The following RIN2 variants were observed in gnomAD, a reference collection of about 807,000 sequenced individuals.
RIN2 encodes RAB5 interacting protein 2.
RIN2 carries 36 observed loss-of-function variants against 78.0 expected under a neutral mutation model. That is an observed-to-expected ratio of 0.46 (90% CI 0.35 to 0.61). RIN2 has a LOEUF of 0.61. Ranked by LOEUF, RIN2 falls within the 20% of genes least tolerant of loss-of-function variation. The probability of loss-of-function intolerance (pLI) is 0.00; values close to 1 mark genes in which losing one functional copy is unlikely to be tolerated. For synonymous variants in RIN2, 466 were observed against 466.8 expected (o/e 1.00, Z 0.02); for missense variants, 1,087 against 1,159.7 (o/e 0.94, Z 0.91).
chr20:19,824,345 T>C (rs1002440975), intron 2 of RIN2, among the ~76,000 whole-genome samples: 1 of 152,252 alleles, frequency 6.6e-6, no homozygotes, highest in Admixed American at 6.5e-5. Flanking sequence ...TCAAAATACA[T>C]GTACCTAGTA....
intron 5 of RIN2, among the ~76,000 whole-genome samples, chr20:19,959,799 A>G (rs930692128): frequency 6.6e-6 from 1 of 152,170 alleles, no homozygotes; most frequent in African/African-American, 2.4e-5. Context: ...GGGCTGCCAC[A>G]CGCCATACTC....
intron 3 of RIN2, among the ~76,000 whole-genome samples, chr20:19,928,694 G>C (rs199965555): frequency 8.5e-5 from 13 of 152,092 alleles, no homozygotes; most frequent in African/African-American, 3.1e-4. Flanking sequence ...GGAGCACTCA[G>C]GTGAACACCT....
At chr20:19,875,355 TG>T (rs1329693268) in intron 2 of RIN2, among the ~76,000 whole-genome samples, 3 of 151,966 alleles carry the variant, frequency 2.0e-5, no homozygotes, top group Non-Finnish European at 4.4e-5. Context: ...TTAGTAGAGA[TG>T]GGGTTTCACC....
chr20:19,903,479 A>C (rs564919731), intron 3 of RIN2, among the ~76,000 whole-genome samples: 66 of 152,246 alleles, frequency 4.3e-4, no homozygotes, highest in African/African-American at 1.5e-3. Context: ...TTCTACTTCC[A>C]GATTCTAGGC....
Position 19,990,174 on chromosome 20 carries a change from C to T in RIN2, c.1931C>T (p.Pro644Leu), listed in dbSNP as rs747893157. The T allele has an allele frequency of 5.0e-6, 8 of 1,605,602 alleles. No homozygotes were observed. The highest frequency in any genetic ancestry group is 6.8e-6 in the Non-Finnish European group (8 of 1,176,244). The change falls in exon 10 of 13, where the codon CCG (proline) becomes CTG (leucine). Residue 644 changes from proline (P) to leucine (L), a missense_variant. This residue lies in a region of RIN2 where 97 missense variants were observed against 104.8 expected (regional missense o/e 0.93). Transcript: ENST00000255006. ...CCGCAGGAGCTGGGGGTCTTCGCCC[C>T]GACCCCTGATTTTGTGGATGTGGAG... ...RNPQELGVFA[P>L]TPDFVDVEKI...
chr20:19,925,343 T>C (rs534528234), intron 3 of RIN2, among the ~76,000 whole-genome samples: 221 of 152,360 alleles, frequency 1.5e-3, no homozygotes, highest in Non-Finnish European at 1.4e-3. Flanking sequence ...CTGTATATAC[T>C]GTATAAGTCT....
intron 3 of RIN2, among the ~76,000 whole-genome samples, chr20:19,896,698 G>A (rs975836463): frequency 3.9e-5 from 6 of 152,168 alleles, no homozygotes; most frequent in Admixed American, 1.3e-4. Flanking sequence ...CCTGTATCTG[G>A]ATGTGTCTTT....
chr20:19,970,491 G>GA (rs535746617), intron 7 of RIN2, among the ~76,000 whole-genome samples: 356 of 152,314 alleles, frequency 2.3e-3, no homozygotes, highest in Non-Finnish European at 4.0e-3. Context: ...GGCATGCAGT[G>GA]AATTAGTACA....
intron 2 of RIN2, among the ~76,000 whole-genome samples, chr20:19,834,663 G>A (rs2036351242): frequency 6.6e-6 from 1 of 152,182 alleles, no homozygotes; most frequent in African/African-American, 2.4e-5. Context: ...AAAATAGAAT[G>A]ATCTTCGGTC....
At chr20:19,810,683 CTTTTTTTT>C (rs535994979) in intron 2 of RIN2, among the ~76,000 whole-genome samples, 3 of 99,628 alleles carry the variant, frequency 3.0e-5, no homozygotes, top group South Asian at 3.1e-4. Flanking sequence ...TTATAAGGTA[CTTTTTTTT>C]TTTTTTTTTT....
intron 4 of RIN2, among the ~76,000 whole-genome samples, chr20:19,942,111 A>C (rs1207219510): frequency 2.7e-5 from 4 of 145,460 alleles, no homozygotes; most frequent in Non-Finnish European, 6.0e-5. Flanking sequence ...CTCTATCTCA[A>C]AAAAAAAAAA....
In RIN2 at chr20:20,000,957, G is replaced by A. The variant is rs1185587673; in HGVS notation, c.*21G>A. The A allele has an allele frequency of 6.3e-7, 1 of 1,586,898 alleles. No homozygotes were observed. The highest frequency in any genetic ancestry group is 8.6e-7 in the Non-Finnish European group (1 of 1,165,856). ...CCTAGAAGACAGGCGGGACTTCCCAGTGGTGCATCCAAAGGGGAGCTGGAA... is the reference window on the plus strand; with the variant it reads ...CCTAGAAGACAGGCGGGACTTCCCAATGGTGCATCCAAAGGGGAGCTGGAA... On this transcript the variant is annotated 3_prime_UTR_variant, in exon 13 of 13. Transcript: ENST00000255006.
chr20:19,835,901 A>G (rs1333486783), intron 2 of RIN2, among the ~76,000 whole-genome samples: 5 of 152,172 alleles, frequency 3.3e-5, no homozygotes, highest in Admixed American at 6.5e-5. Context: ...TCCTCTAAGG[A>G]TGACAGTCGA....
At chr20:19,983,888 TG>T (rs67509116) in intron 9 of RIN2, among the ~76,000 whole-genome samples, 58,222 of 151,730 alleles carry the variant, frequency 0.38, 13,403 homozygotes, top group African/African-American at 0.64. Flanking sequence ...GTACATTTTT[TG>T]TTTATTATTA....
chr20:19,970,688 C>T (rs1382558204), intron 7 of RIN2, 150 bp from the exon 8 acceptor site: 3 of 655,006 alleles, frequency 4.6e-6, no homozygotes, highest in Middle Eastern at 3.6e-4. Context: ...TAAGTTTTAC[C>T]ACCAGGAAAG....
intron 3 of RIN2, among the ~76,000 whole-genome samples, chr20:19,908,791 A>T (rs2039336563): frequency 6.6e-6 from 1 of 152,142 alleles, no homozygotes; most frequent in South Asian, 2.1e-4. Flanking sequence ...TGGAATATCC[A>T]CTATTTGGAA....
chr20:19,971,988 C>T (rs1404591239), intron 8 of RIN2, among the ~76,000 whole-genome samples: 1 of 152,072 alleles, frequency 6.6e-6, no homozygotes, highest in Non-Finnish European at 1.5e-5. Flanking sequence ...GTGATCCACC[C>T]GCTTTGGTAT....
At chr20:19,948,404 A>T (rs531177341) in intron 4 of RIN2, among the ~76,000 whole-genome samples, 15 of 152,218 alleles carry the variant, frequency 9.9e-5, no homozygotes, top group African/African-American at 3.4e-4. Context: ...ACATATACAT[A>T]TTTTTTTGGA....
intron 11 of RIN2, among the ~76,000 whole-genome samples, chr20:19,993,902 G>A (rs1249035327): frequency 6.6e-6 from 1 of 152,190 alleles, no homozygotes; most frequent in African/African-American, 2.4e-5. Context: ...AGAGCTCTTA[G>A]GGCTTTGGGG....
Sources: allele counts gnomAD v4.1 joint callset (sites outside exome capture counted in the v4.1 genomes callset), GRCh38; gene constraint gnomAD v4.1.1; regional missense constraint gnomAD v4.1.1; transcripts MANE v1.5; gene names NCBI Gene and HGNC (gene_info 2026-07-23, HGNC 2026-07-21).